NEK10: variants seen among roughly 807,000 people sequenced by gnomAD.
NEK10 encodes serine/threonine-protein kinase Nek10.
Under a neutral mutation model 159.8 loss-of-function variants are expected in NEK10, and 122 were observed. That is an observed-to-expected ratio of 0.76 (90% CI 0.66 to 0.89). The LOEUF is 0.89. Among genes scored for constraint, NEK10 ranks in the 40% least tolerant of loss-of-function variants. NEK10 has a pLI of 0.00. For missense variants in NEK10, 1,342 were observed against 1,323.1 expected, an observed-to-expected ratio of 1.01 and a Z score of -0.22; for synonymous variants, 466 against 457.1, an observed-to-expected ratio of 1.02 and a Z score of -0.25.
intron 23 of NEK10, among the ~76,000 whole-genome samples, chr3:27,236,529 G>C (rs772794996): frequency 2.0e-5 from 3 of 152,006 alleles, no homozygotes; most frequent in Non-Finnish European, 4.4e-5. Flanking sequence ...CTAAGTGTCG[G>C]CCAGTCTGAG....
In NEK10 at chr3:27,344,327, G is replaced by T. The variant is rs370830759; in HGVS notation, c.307C>A (p.Arg103Ser). 33 of 1,596,734 alleles carry T rather than the reference G, an allele frequency of 2.1e-5. No individual in the cohort carries two copies. In the African/African-American group the frequency reaches 3.6e-4, roughly 18 times the overall value. ...NERNFSKHPQRKLFQEIFTAL... is the reference protein window; with the variant it reads ...NERNFSKHPQSKLFQEIFTAL... The stretch of plus-strand genomic sequence containing the variant: ...GTAAAGATCTCCTGAAATAGTTTAC[G>T]CTGAGGATGTTTGCTGAAATTTCTC... The change falls in exon 5 of 36, where the codon CGT (arginine) becomes AGT (serine). Residue 103 changes from arginine to serine, a missense_variant. Coordinates refer to ENST00000691995, the MANE Select transcript of NEK10 (RefSeq NM_001394966.1).
intron 6 of NEK10, among the ~76,000 whole-genome samples, chr3:27,321,727 T>C (rs1254457566): frequency 3.3e-5 from 5 of 152,026 alleles, no homozygotes; most frequent in African/African-American, 1.2e-4. Flanking sequence ...AATTTGACTC[T>C]AGAGGTTGGG....
intron 22 of NEK10, among the ~76,000 whole-genome samples, chr3:27,263,590 C>G (rs551497074): frequency 2.6e-5 from 4 of 152,196 alleles, no homozygotes; most frequent in African/African-American, 9.6e-5. Flanking sequence ...ATGAGCGAGG[C>G]TCCGTGGGTA....
chr3:27,162,011 A>G (rs528474105), intron 30 of NEK10, among the ~76,000 whole-genome samples: 8 of 152,276 alleles, frequency 5.3e-5, no homozygotes, highest in South Asian at 4.1e-4. Flanking sequence ...TCTCAAAAAA[A>G]AAAAGAAAAG....
At chr3:27,249,725 T>G (rs1349826877) in intron 23 of NEK10, among the ~76,000 whole-genome samples, 1 of 152,180 alleles carries the variant, frequency 6.6e-6, no homozygotes. Context: ...TTCAATGTTA[T>G]TATTGATAAG....
At chr3:27,326,053 G>A (rs550262113) in intron 5 of NEK10, among the ~76,000 whole-genome samples, 1 of 152,276 alleles carries the variant, frequency 6.6e-6, no homozygotes, top group Admixed American at 6.5e-5. Flanking sequence ...GATGTACTAT[G>A]GGTTCATCCT....
Position 27,190,433 on chromosome 3 carries a change from C to T in NEK10, c.2505+1596G>A, listed in dbSNP as rs760283667. 7.9e-5 allele frequency among the ~76,000 whole-genome samples: 12 copies of T among 152,232 alleles called. No individual in the cohort carries two copies. In the East Asian group the frequency reaches 2.1e-3, roughly 27 times the overall value. ...AGCCCTTAATAGCTAACTGTTGAAG[C>T]TGGGATGGGTACAGGAAGTAATCTT... On this transcript the variant is annotated intron_variant, in intron 26 of 35. Coordinates refer to ENST00000691995, the MANE Select transcript of NEK10 (RefSeq NM_001394966.1).
intron 19 of NEK10, among the ~76,000 whole-genome samples, chr3:27,288,858 G>C (rs1202044786): frequency 1.3e-5 from 2 of 152,108 alleles, no homozygotes; most frequent in Non-Finnish European, 2.9e-5. Flanking sequence ...TTTTTGAAGG[G>C]AGATTGCTAG....
At chr3:27,132,744 A>G in intron 31 of NEK10, among the ~76,000 whole-genome samples, 1 of 152,316 alleles carries the variant, frequency 6.6e-6, no homozygotes, top group East Asian at 1.9e-4. Context: ...GGATAATAGA[A>G]AAGAAATTGG....
intron 26 of NEK10, 24 bp from the exon 27 acceptor site, chr3:27,174,857 C>A: frequency 6.5e-7 from 1 of 1,543,842 alleles, no homozygotes; most frequent in Non-Finnish European, 8.7e-7. Flanking sequence ...TTCAGTTTTT[C>A]ATAGCCTCTT....
At position 27,260,966 on chromosome 3, in the gene NEK10, A is replaced by T. The variant is rs183041085; in HGVS notation, c.2015-4595T>A. Reference sequence around the variant, plus strand: ...TAGTCTTGGGAGGGTGTATGTGTCCAGGAATTTATCCATTTCTTCTAGATT... The same window carrying T: ...TAGTCTTGGGAGGGTGTATGTGTCCTGGAATTTATCCATTTCTTCTAGATT... On this transcript the variant is annotated intron_variant, in intron 22 of 35. Transcript: ENST00000691995. 8.2e-4 allele frequency among the ~76,000 whole-genome samples: 125 copies of T among 152,318 alleles called. 1 individual carries two copies. In the East Asian group the frequency reaches 0.022, roughly 27 times the overall value.
At chr3:27,151,925 C>A (rs1322439905) in intron 30 of NEK10, among the ~76,000 whole-genome samples, 1 of 152,092 alleles carries the variant, frequency 6.6e-6, no homozygotes, top group Non-Finnish European at 1.5e-5. Flanking sequence ...TTTGAATTAA[C>A]CCACTCGAAC....
chr3:27,265,296 C>T (rs1420141889), intron 22 of NEK10, among the ~76,000 whole-genome samples: 2 of 152,090 alleles, frequency 1.3e-5, no homozygotes, highest in African/African-American at 4.8e-5. Context: ...TTGAAAAATG[C>T]CTTGGAGTGG....
chr3:27,179,494 C>T (rs1165639084), intron 26 of NEK10, among the ~76,000 whole-genome samples: 4 of 152,096 alleles, frequency 2.6e-5, no homozygotes, highest in Non-Finnish European at 5.9e-5. Context: ...CACTGTTATC[C>T]CATAACTAAC....
chr3:27,172,061 G>A (rs575080080), intron 28 of NEK10, among the ~76,000 whole-genome samples, 188 bp from the exon 29 acceptor site: 5 of 152,068 alleles, frequency 3.3e-5, no homozygotes, highest in South Asian at 4.2e-4. Context: ...GTTCTCGGCC[G>A]GGTGTGGTGG....
intron 1 of NEK10, among the ~76,000 whole-genome samples, chr3:27,358,470 T>C (rs145567523): frequency 6.6e-6 from 1 of 152,322 alleles, no homozygotes; most frequent in East Asian, 1.9e-4. Context: ...GTAATTTCTA[T>C]CCTCTATTGT....
intron 23 of NEK10, among the ~76,000 whole-genome samples, chr3:27,213,543 T>C (rs996911301): frequency 6.2e-4 from 95 of 152,134 alleles, no homozygotes; most frequent in African/African-American, 2.3e-3. Context: ...TTTAAGCCCC[T>C]CGACCGAATC....
chr3:27,282,479 G>A (rs1030217436), intron 22 of NEK10, among the ~76,000 whole-genome samples: 1 of 149,186 alleles, frequency 6.7e-6, no homozygotes, highest in Non-Finnish European at 1.5e-5. Context: ...AATATGGCCT[G>A]AACAGCCATT....
At chr3:27,257,465 T>TTA (rs1956322072) in intron 22 of NEK10, among the ~76,000 whole-genome samples, 1 of 152,206 alleles carries the variant, frequency 6.6e-6, no homozygotes, top group South Asian at 2.1e-4. Flanking sequence ...CAGTATTTGA[T>TTA]TATATATACT....
Sources: allele counts gnomAD v4.1 joint callset (sites outside exome capture counted in the v4.1 genomes callset), GRCh38; gene constraint gnomAD v4.1.1; transcripts MANE v1.5; gene names NCBI Gene and HGNC (gene_info 2026-07-23, HGNC 2026-07-21).